CDK6: variants seen among roughly 807,000 people sequenced by gnomAD.
CDK6 encodes the protein cyclin dependent kinase 6.
Under a neutral mutation model 37.1 loss-of-function variants are expected in CDK6, and 6 were observed. The ratio of observed to expected loss-of-function variants is 0.16; its 90% CI spans 0.09 to 0.32. The LOEUF (loss-of-function observed/expected upper bound fraction) is 0.32, where lower values mean the gene tolerates loss of function less well. Ranked by LOEUF, CDK6 falls within the 10% of genes least tolerant of loss-of-function variation. The pLI, the probability that CDK6 is intolerant of heterozygous loss-of-function variation, is 1.00. For synonymous variants in CDK6, 160 were observed against 161.3 expected, an observed-to-expected ratio of 0.99 and a Z score of 0.06; for missense variants, 224 against 418.9, an observed-to-expected ratio of 0.53 and a Z score of 4.06.
At chr7:92,802,552 TAAAGTGCTCGTTTACGG>T in intron 2 of CDK6, among the ~76,000 whole-genome samples, 1 of 152,158 alleles carries the variant, frequency 6.6e-6, no homozygotes, top group Non-Finnish European at 1.5e-5. Flanking sequence ...GCCAAAGACA[TAAAGTGCTCGTTTACGG>T]TACAAGCAGC....
chr7:92,623,198 AG>A lies in CDK6; in HGVS notation c.648-113del. ...GCAAAATATTCTTTATGGGTTGGGAAGAAGTAAAAAAAATTGAGACATTTTT... is the reference window on the plus strand; with the variant it reads ...GCAAAATATTCTTTATGGGTTGGGAAAAGTAAAAAAAATTGAGACATTTTT... On this transcript the variant is annotated intron_variant, in intron 5 of 7. Coordinates refer to ENST00000424848, the MANE Select transcript of CDK6 (RefSeq NM_001145306.2). 3 of 722,998 alleles carry A rather than the reference AG, an allele frequency of 4.1e-6. No individual in the cohort carries two copies. The African/African-American group carries it at 5.4e-5, about 13-fold the overall frequency. The allele number at this position is 722,998 out of a possible 1,614,324, so 44.8% of individuals were successfully genotyped here.
In CDK6 at chr7:92,759,777, C is replaced by T. The variant is rs201645118; in HGVS notation, c.369+14919G>A. On this transcript the variant is annotated intron_variant, in intron 3 of 7. Transcript: ENST00000424848. ...AATTCCCTTTGTTTGGCATCACTTT[C>T]CCCTTTTATCCCATTTAATTTGAAA... is the stretch of plus-strand genomic sequence containing the variant. 2.0e-5 allele frequency among the ~76,000 whole-genome samples: 3 copies of T among 150,604 alleles called. No individual in the cohort carries two copies. In the East Asian group the frequency reaches 5.8e-4, roughly 29 times the overall value.
At chr7:92,781,021 T>C (rs1051792243) in intron 2 of CDK6, among the ~76,000 whole-genome samples, 2 of 152,158 alleles carry the variant, frequency 1.3e-5, no homozygotes, top group Admixed American at 1.3e-4. Flanking sequence ...ATATCTCAGA[T>C]GACTTTTAAA....
intron 4 of CDK6, among the ~76,000 whole-genome samples, chr7:92,693,837 T>G (rs934502465): frequency 6.6e-6 from 1 of 152,182 alleles, no homozygotes; most frequent in Non-Finnish European, 1.5e-5. Context: ...ATTTTACAGA[T>G]TGTGAGAAGT....
chr7:92,785,177 C>G (rs769386531), intron 2 of CDK6, among the ~76,000 whole-genome samples: 1 of 152,044 alleles, frequency 6.6e-6, no homozygotes, highest in Non-Finnish European at 1.5e-5. Flanking sequence ...TGTGGTATAT[C>G]CATACAATGG....
intron 3 of CDK6, among the ~76,000 whole-genome samples, chr7:92,752,715 C>G (rs1194488647): frequency 1.6e-4 from 24 of 152,172 alleles, no homozygotes; most frequent in Admixed American, 1.6e-3. Flanking sequence ...AGCAGTTCAT[C>G]ATGATTGATG....
chr7:92,638,854 T>A (rs1251425712), intron 5 of CDK6, among the ~76,000 whole-genome samples: 1 of 152,196 alleles, frequency 6.6e-6, no homozygotes, highest in African/African-American at 2.4e-5. Flanking sequence ...AACCACCATA[T>A]CTCATCAGAT....
intron 3 of CDK6, among the ~76,000 whole-genome samples, chr7:92,738,474 T>C (rs1585444365): frequency 6.6e-6 from 1 of 152,018 alleles, no homozygotes; most frequent in South Asian, 2.1e-4. Flanking sequence ...ATCCTGTCTC[T>C]ACTAAAAACA....
rs1795592545 is a variant in CDK6 at position 92,612,836 on chromosome 7, G to C, written c.*2304C>G. The C allele has an allele frequency of 4.3e-6, 1 of 232,940 alleles. No homozygotes were observed. The highest frequency in any genetic ancestry group is 1.8e-4 in the South Asian group (1 of 5,526). The allele number at this position is 232,940 out of a possible 1,614,324, so 14.4% of individuals were successfully genotyped here. On this transcript the variant is annotated 3_prime_UTR_variant, in exon 8 of 8. Transcript: ENST00000424848. Reference sequence around the variant, plus strand: ...CTAAAGCTATGTTCACTCTAGCCATGAATACTAACCAAAAAGCTCAGATGA... The same window carrying C: ...CTAAAGCTATGTTCACTCTAGCCATCAATACTAACCAAAAAGCTCAGATGA...
chr7:92,637,289 T>C (rs1796195231), intron 5 of CDK6, among the ~76,000 whole-genome samples: 1 of 152,182 alleles, frequency 6.6e-6, no homozygotes, highest in South Asian at 2.1e-4. Flanking sequence ...AAATGTCTAC[T>C]TCCAATATAA....
At position 92,607,359 on chromosome 7, in the gene CDK6, T is replaced by C. The variant is rs1795451967; in HGVS notation, c.*7781A>G. ...AATTAAGGCATATCTAAAATGCTTT[T>C]CTACCTTTAGTTTTTATTTTTGCTA... On this transcript the variant is annotated 3_prime_UTR_variant, in exon 8 of 8. Coordinates refer to ENST00000424848, the MANE Select transcript of CDK6 (RefSeq NM_001145306.2). 1 of 233,316 alleles carries C rather than the reference T, an allele frequency of 4.3e-6. No individual in the cohort carries two copies. Among genetic ancestry groups the C allele is most frequent in the Non-Finnish European group, 8.5e-6 (1 of 118,056 alleles). The allele number at this position is 233,316 out of a possible 1,614,324, so 14.5% of individuals were successfully genotyped here. A position where few individuals can be genotyped will look rare whatever the true frequency, so the allele number is the denominator to read the frequency against.
chr7:92,689,315 T>C (rs1001578134), intron 4 of CDK6, among the ~76,000 whole-genome samples: 3 of 152,230 alleles, frequency 2.0e-5, no homozygotes, highest in Non-Finnish European at 4.4e-5. Flanking sequence ...TTCTCATCGT[T>C]TAGCTACTAC....
At chr7:92,740,259 T>G (rs2115627149) in intron 3 of CDK6, among the ~76,000 whole-genome samples, 1 of 152,346 alleles carries the variant, frequency 6.6e-6, no homozygotes, top group South Asian at 2.1e-4. Flanking sequence ...TCTGTTCTGT[T>G]GCAATGCTAT....
At chr7:92,707,861 A>G (rs1183340444) in intron 4 of CDK6, among the ~76,000 whole-genome samples, 1 of 152,246 alleles carries the variant, frequency 6.6e-6, no homozygotes, top group African/African-American at 2.4e-5. Context: ...TAAGAGAAAC[A>G]GCCATTATCA....
At chr7:92,734,433 C>T (rs1418822337) in intron 3 of CDK6, among the ~76,000 whole-genome samples, 1 of 152,186 alleles carries the variant, frequency 6.6e-6, no homozygotes, top group Non-Finnish European at 1.5e-5. Flanking sequence ...AGCTCTCTGG[C>T]CCTGCCTCCT....
intron 2 of CDK6, among the ~76,000 whole-genome samples, chr7:92,808,311 A>G (rs888580469): frequency 6.6e-5 from 10 of 152,220 alleles, no homozygotes; most frequent in African/African-American, 2.4e-4. Context: ...TCAGATTTCT[A>G]TAGCAGCATC....
chr7:92,709,278 A>AACCC (rs1393609959), intron 4 of CDK6, among the ~76,000 whole-genome samples: 1 of 152,130 alleles, frequency 6.6e-6, no homozygotes, highest in Non-Finnish European at 1.5e-5. Flanking sequence ...TCTGCTCAAC[A>AACCC]ACCCACATAC....
chr7:92,759,299 T>G (rs567222812), intron 3 of CDK6, among the ~76,000 whole-genome samples: 1 of 152,164 alleles, frequency 6.6e-6, no homozygotes, highest in African/African-American at 2.4e-5. Flanking sequence ...GCTAGGACTT[T>G]GTTATTTTGG....
chr7:92,715,976 G>T (rs1418131960), intron 4 of CDK6, among the ~76,000 whole-genome samples: 1 of 152,156 alleles, frequency 6.6e-6, no homozygotes, highest in Non-Finnish European at 1.5e-5. Context: ...CAAATAAAGA[G>T]GGATGAAGCA....
Sources: allele counts gnomAD v4.1 joint callset (sites outside exome capture counted in the v4.1 genomes callset), GRCh38; gene constraint gnomAD v4.1.1; transcripts MANE v1.5; gene names NCBI Gene and HGNC (gene_info 2026-07-23, HGNC 2026-07-21).